The following DNASE1L3 variants were observed in gnomAD, a reference collection of about 807,000 sequenced individuals.
The protein encoded by DNASE1L3 is deoxyribonuclease 1L3, also known as deoxyribonuclease gamma.
DNASE1L3 carries 27 observed loss-of-function variants against 30.9 expected under a neutral mutation model. That is an observed-to-expected ratio of 0.87 (90% confidence interval 0.64 to 1.20). The LOEUF is 1.20. DNASE1L3 is among the 50% of genes most tolerant of loss of function. DNASE1L3 has a pLI of 0.00. For missense variants in DNASE1L3, 364 were observed against 378.2 expected (o/e 0.96, Z 0.31); for synonymous variants, 135 against 138.0 (o/e 0.98, Z 0.15).
At position 58,204,771 on chromosome 3, in the gene DNASE1L3, G is replaced by A; in HGVS notation, c.431C>T (p.Thr144Ile). 6.2e-7 allele frequency: 1 copy of A among 1,613,996 alleles called. No individual in the cohort carries two copies. Among genetic ancestry groups the A allele is most frequent in the Non-Finnish European group, 8.5e-7 (1 of 1,179,866 alleles). ...PFVVWFQSPH[T>I]AVKDFVIIPL... ...AGAAAGGCCTGTGTGGGTCTTACCAGTGTGGGGAGATTGGAACCAGACCAC... is the reference window on the plus strand; with the variant it reads ...AGAAAGGCCTGTGTGGGTCTTACCAATGTGGGGAGATTGGAACCAGACCAC... The change falls in exon 4 of 8, where the codon ACT (threonine) becomes ATT (isoleucine). Residue 144 changes from threonine to isoleucine, a missense_variant and splice_region_variant. By Grantham distance (89) the Thr-to-Ile change is moderately conservative. Coordinates refer to ENST00000394549, the MANE Select transcript of DNASE1L3 (RefSeq NM_004944.4).
intron 5 of DNASE1L3, among the ~76,000 whole-genome samples, chr3:58,199,281 G>T (rs545559797): frequency 1.3e-5 from 2 of 152,176 alleles, no homozygotes; most frequent in African/African-American, 2.4e-5. Context: ...ACAATAGGAG[G>T]TACAAGAGCC....
rs1432270016 is a variant in DNASE1L3 at position 58,200,929 on chromosome 3, C to T, written c.546+68G>A. On this transcript the variant is annotated intron_variant, in intron 5 of 7. Coordinates refer to ENST00000394549, the MANE Select transcript of DNASE1L3 (RefSeq NM_004944.4). This position sits in a 1 kb window ranked among gnomAD's most constrained non-coding sequence, Gnocchi z 4.2. The stretch of plus-strand genomic sequence containing the variant: ...CCTCCTCCCCCTCCCTGGAGAGGTA[C>T]TCATCCCACTCAGGGACCAGAGCCT... The T allele has an allele frequency of 6.2e-6, 8 of 1,299,390 alleles. No homozygotes were observed. Among genetic ancestry groups the T allele is most frequent in the Non-Finnish European group, 7.7e-6 (7 of 911,914 alleles). 80.5% of individuals were successfully genotyped at this position (1,299,390 alleles called of 1,614,324 possible). A position where few individuals can be genotyped will look rare whatever the true frequency, so the allele number is the denominator to read the frequency against.
chr3:58,205,648 G>A (rs989912310), intron 2 of DNASE1L3, 88 bp from the exon 3 acceptor site: 8 of 1,109,444 alleles, frequency 7.2e-6, no homozygotes, highest in Non-Finnish European at 4.1e-6. Flanking sequence ...GCCTCCATAC[G>A]CCCAATGGCA....
At chr3:58,204,196 AG>A (rs1223447602) in intron 4 of DNASE1L3, among the ~76,000 whole-genome samples, 2 of 149,090 alleles carry the variant, frequency 1.3e-5, no homozygotes, top group South Asian at 4.2e-4. Flanking sequence ...GCTGGAGTGC[AG>A]TGGTACGATC....
chr3:58,193,735 A>G (rs1003068400), intron 6 of DNASE1L3, among the ~76,000 whole-genome samples: 1 of 152,218 alleles, frequency 6.6e-6, no homozygotes, highest in Non-Finnish European at 1.5e-5. Flanking sequence ...CCCACACAAC[A>G]ATGACTTGCG....
chr3:58,206,857 T>G (rs1575499920), intron 2 of DNASE1L3, among the ~76,000 whole-genome samples: 1 of 152,126 alleles, frequency 6.6e-6, no homozygotes, highest in African/African-American at 2.4e-5. Flanking sequence ...CCTGGCTGGG[T>G]AACTCAGGCA....
At position 58,201,106 on chromosome 3, in the gene DNASE1L3, A is replaced by G. The variant is rs201928908; in HGVS notation, c.437T>C (p.Val146Ala). 174 of 1,606,054 alleles carry G rather than the reference A, an allele frequency of 1.1e-4. No homozygotes were observed. The highest frequency in any genetic ancestry group is 1.7e-4 in the Middle Eastern group (1 of 6,028). Residue 146 changes from valine (V) to alanine (A), a missense_variant, in exon 5 of 8, where the codon GTC (valine) becomes GCC (alanine). Coordinates refer to ENST00000394549, the MANE Select transcript of DNASE1L3 (RefSeq NM_004944.4). Reference protein sequence around the residue: ...VVWFQSPHTAVKDFVIIPLHT... With the variant: ...VVWFQSPHTAAKDFVIIPLHT... ...CAGGGGGATAATCACGAAGTCTTTGACAGCTGAGAAACAGGAAAGAGGCGG... is the reference window on the plus strand; with the variant it reads ...CAGGGGGATAATCACGAAGTCTTTGGCAGCTGAGAAACAGGAAAGAGGCGG...
intron 6 of DNASE1L3, among the ~76,000 whole-genome samples, chr3:58,195,909 C>T (rs1323320317): frequency 6.6e-6 from 1 of 152,192 alleles, no homozygotes; most frequent in Non-Finnish European, 1.5e-5. Context: ...CTTTGGGATA[C>T]ATGTGTATAA....
chr3:58,196,368 C>T (rs1183658106), intron 6 of DNASE1L3, among the ~76,000 whole-genome samples: 2 of 150,906 alleles, frequency 1.3e-5, no homozygotes, highest in South Asian at 2.1e-4. Context: ...CATGGTGAAA[C>T]CCTGTCTCTA....
chr3:58,197,736 A>T lies in DNASE1L3; in HGVS notation c.704+85T>A. The T allele has an allele frequency of 6.3e-7, 1 of 1,589,518 alleles. No homozygotes were observed. Among genetic ancestry groups the T allele is most frequent in the East Asian group, 2.2e-5 (1 of 44,760 alleles). ...CCAAAGTGCTAGGACTACTGGCGTGAGCCACAGTGCCCAGCCACCTTGCGT... is the reference window on the plus strand; with the variant it reads ...CCAAAGTGCTAGGACTACTGGCGTGTGCCACAGTGCCCAGCCACCTTGCGT... On this transcript the variant is annotated intron_variant, in intron 6 of 7. Coordinates refer to ENST00000394549, the MANE Select transcript of DNASE1L3 (RefSeq NM_004944.4). The surrounding 1 kb of genome is among the most constrained non-coding windows in gnomAD (Gnocchi z 5.3).
intron 6 of DNASE1L3, among the ~76,000 whole-genome samples, chr3:58,196,207 G>C (rs1224015983): frequency 6.6e-6 from 1 of 151,972 alleles, no homozygotes; most frequent in Non-Finnish European, 1.5e-5. Context: ...TTCCCACTTT[G>C]CAGAGTGATA....
intron 4 of DNASE1L3, 32 bp downstream of exon 4, chr3:58,204,737 G>A: frequency 6.3e-7 from 1 of 1,598,372 alleles, no homozygotes; most frequent in Non-Finnish European, 8.6e-7. Context: ...CGTTGGGGAG[G>A]TCCCAGACAG....
At position 58,192,784 on chromosome 3, in the gene DNASE1L3, T is replaced by A; in HGVS notation, c.821A>T (p.His274Leu). The stretch of plus-strand genomic sequence containing the variant: ...CTGTAGTTTAAATTCAACTGGAAAG[T>A]GGTCGCTGACATCCAGGGCCTATAA... Reference protein sequence around the residue: ...TEEEALDVSDHFPVEFKLQSS... With the variant: ...TEEEALDVSDLFPVEFKLQSS... Residue 274 changes from histidine to leucine, a missense_variant, in exon 8 of 8, where the codon CAC (histidine) becomes CTC (leucine). Physicochemically the swap from His to Leu is moderately conservative, Grantham distance 99 (BLOSUM62 -3). Transcript: ENST00000394549. This position sits in a 1 kb window ranked among gnomAD's most constrained non-coding sequence, Gnocchi z 4.8. The A allele has an allele frequency of 6.2e-7, 1 of 1,614,010 alleles. No homozygotes were observed. The highest frequency in any genetic ancestry group is 1.1e-5 in the South Asian group (1 of 91,054).
chr3:58,195,486 G>A (rs1362305312), intron 6 of DNASE1L3, among the ~76,000 whole-genome samples: 1 of 151,946 alleles, frequency 6.6e-6, no homozygotes, highest in Admixed American at 6.6e-5. Context: ...AGCCACAAGA[G>A]GCCGGGCATG....
chr3:58,196,251 C>G (rs2107368775), intron 6 of DNASE1L3, among the ~76,000 whole-genome samples: 1 of 151,794 alleles, frequency 6.6e-6, no homozygotes, highest in Admixed American at 6.6e-5. Flanking sequence ...CTCAAAAGCT[C>G]CAAGAGGAAC....
Position 58,208,252 on chromosome 3 carries a change from T to C in DNASE1L3, c.196A>G (p.Arg66Gly). The change falls in exon 2 of 8, where the codon AGG (arginine) becomes GGG (glycine). Residue 66 changes from arginine to glycine, a missense_variant. Coordinates refer to ENST00000394549, the MANE Select transcript of DNASE1L3 (RefSeq NM_004944.4). ...TTCTCCATCAGTATGGGGCAGATCC[T>C]GTTGTTGCTGTCCTTGATTTCCATC... ...LVMEIKDSNN[R>G]ICPILMEKLN... The C allele has an allele frequency of 6.2e-7, 1 of 1,614,212 alleles. No individual in the cohort carries two copies. Among genetic ancestry groups the C allele is most frequent in the Non-Finnish European group, 8.5e-7 (1 of 1,180,020 alleles).
chr3:58,197,795 C>A lies in DNASE1L3; in HGVS notation c.704+26G>T. On this transcript the variant is annotated intron_variant, in intron 6 of 7. Coordinates refer to ENST00000394549, the MANE Select transcript of DNASE1L3 (RefSeq NM_004944.4). This position sits in a 1 kb window ranked among gnomAD's most constrained non-coding sequence, Gnocchi z 5.3. ...GTGCACACCAAGCACTGTGGTGAGC[C>A]AGCAGCACCCTGCAGGGCCTCCTAC... The A allele has an allele frequency of 6.2e-7, 1 of 1,612,890 alleles. No individual in the cohort carries two copies. The highest frequency in any genetic ancestry group is 8.5e-7 in the Non-Finnish European group (1 of 1,179,920).
chr3:58,194,429 C>T (rs1453301406), intron 6 of DNASE1L3, among the ~76,000 whole-genome samples: 1 of 147,588 alleles, frequency 6.8e-6, no homozygotes, highest in East Asian at 2.0e-4. Context: ...AAGCGATTCT[C>T]CTGCCTCAGC....
At chr3:58,194,479 C>G (rs1282820213) in intron 6 of DNASE1L3, among the ~76,000 whole-genome samples, 2 of 151,790 alleles carry the variant, frequency 1.3e-5, no homozygotes, top group African/African-American at 4.8e-5. Flanking sequence ...GCCACCACGC[C>G]TGGCTAATTT....
Sources: allele counts gnomAD v4.1 joint callset (sites outside exome capture counted in the v4.1 genomes callset), GRCh38; gene constraint gnomAD v4.1.1; non-coding constraint Gnocchi (gnomAD v3.1); transcripts MANE v1.5; gene names NCBI Gene and HGNC (gene_info 2026-07-23, HGNC 2026-07-21).